The following PLB1 variants were observed in gnomAD, a reference collection of about 807,000 sequenced individuals.
PLB1 encodes the protein phospholipase B1, membrane-associated.
Under a neutral mutation model 227.4 loss-of-function variants are expected in PLB1, and 242 were observed. The observed-to-expected ratio is 1.06, with a 90% CI of 0.96 to 1.18. PLB1 has a LOEUF of 1.18. PLB1 is among the 50% of genes most tolerant of loss of function. The probability of loss-of-function intolerance (pLI) is 0.00; values close to 1 mark genes in which losing one functional copy is unlikely to be tolerated. For synonymous variants in PLB1, 757 were observed against 682.2 expected (o/e 1.11, Z -1.71); for missense variants, 1,858 against 1,816.3 (o/e 1.02, Z -0.42).
chr2:28,538,483 G>T (rs1481774571), intron 10 of PLB1, 102 bp downstream of exon 10: 6 of 1,062,988 alleles, frequency 5.6e-6, no homozygotes, highest in Non-Finnish European at 8.2e-6. Flanking sequence ...AGGGAGACTG[G>T]GACCCTCGGG....
At chr2:28,504,139 C>T (rs1416763094) in intron 1 of PLB1, among the ~76,000 whole-genome samples, 4 of 152,168 alleles carry the variant, frequency 2.6e-5, no homozygotes, top group African/African-American at 9.7e-5. Context: ...TCTGCCTTTT[C>T]CTTCTGGAAT....
At chr2:28,576,382 T>C (rs1242864338) in intron 21 of PLB1, among the ~76,000 whole-genome samples, 3 of 152,288 alleles carry the variant, frequency 2.0e-5, no homozygotes, top group Admixed American at 1.3e-4. Flanking sequence ...GTCTGCACAA[T>C]AACCATGAGA....
At chr2:28,501,247 C>G (rs903907257) in intron 1 of PLB1, among the ~76,000 whole-genome samples, 5 of 152,280 alleles carry the variant, frequency 3.3e-5, no homozygotes, top group Admixed American at 3.3e-4. Flanking sequence ...ACAGACACAT[C>G]AATGAATTTA....
At chr2:28,538,210 C>T in intron 9 of PLB1, 109 bp from the exon 10 acceptor site, 2 of 1,337,196 alleles carry the variant, frequency 1.5e-6, no homozygotes, top group East Asian at 2.4e-5. Context: ...TAGATGGTGC[C>T]TTTGCCTGTG....
intron 20 of PLB1, among the ~76,000 whole-genome samples, chr2:28,567,527 AG>A (rs1558781477): frequency 4.0e-5 from 5 of 124,194 alleles, no homozygotes; most frequent in Non-Finnish European, 8.1e-5. Context: ...GCTGGAGTGC[AG>A]AGTGGCGCCA....
chr2:28,579,560 C>T (rs1679565112), intron 22 of PLB1, 67 bp from the exon 23 acceptor site: 1 of 1,284,212 alleles, frequency 7.8e-7, no homozygotes, highest in African/African-American at 1.5e-5. Flanking sequence ...AGTTTGCAAG[C>T]ATTTTGTGTT....
At chr2:28,544,309 A>G (rs1284288227) in intron 14 of PLB1, among the ~76,000 whole-genome samples, 1 of 152,240 alleles carries the variant, frequency 6.6e-6, no homozygotes, top group African/African-American at 2.4e-5. Context: ...CTGATCTCCC[A>G]TGATGGGCAG....
intron 37 of PLB1, 156 bp from the exon 38 acceptor site, chr2:28,601,742 TG>T (rs1229659362): frequency 7.2e-6 from 5 of 691,256 alleles, no homozygotes; most frequent in Non-Finnish European, 1.0e-5. Flanking sequence ...AGTAGTCAAC[TG>T]TTCATCTCAG....
intron 43 of PLB1, among the ~76,000 whole-genome samples, chr2:28,611,866 C>T (rs1238394220): frequency 2.0e-5 from 3 of 152,082 alleles, no homozygotes; most frequent in Admixed American, 6.5e-5. Flanking sequence ...AGGGGCTGGG[C>T]GCAGTGGCTC....
chr2:28,598,209 A>T (rs1454275546), intron 34 of PLB1, among the ~76,000 whole-genome samples, 161 bp downstream of exon 34: 1 of 152,214 alleles, frequency 6.6e-6, no homozygotes, highest in African/African-American at 2.4e-5. Context: ...GAGGCAGGTA[A>T]AATAAACACC....
chr2:28,624,548 G>A (rs892783781), intron 49 of PLB1, among the ~76,000 whole-genome samples: 3 of 152,028 alleles, frequency 2.0e-5, no homozygotes, highest in Non-Finnish European at 4.4e-5. Flanking sequence ...AAAAAAGTGA[G>A]GAGATGGGGA....
At chr2:28,639,950 G>A (rs1573620269) in intron 56 of PLB1, among the ~76,000 whole-genome samples, 1 of 152,160 alleles carries the variant, frequency 6.6e-6, no homozygotes, top group East Asian at 1.9e-4. Flanking sequence ...GCAGAGCCTG[G>A]ATCCCAGCCA....
chr2:28,552,557 C>CT (rs1255033087), intron 16 of PLB1, among the ~76,000 whole-genome samples: 1 of 152,200 alleles, frequency 6.6e-6, no homozygotes. Context: ...TCATTGAGAA[C>CT]TTGGGCAGAG....
At chr2:28,579,244 C>G (rs1357289288) in intron 22 of PLB1, among the ~76,000 whole-genome samples, 1 of 152,212 alleles carries the variant, frequency 6.6e-6, no homozygotes, top group Non-Finnish European at 1.5e-5. Context: ...TTCAGGATTT[C>G]TAGAAGATTC....
chr2:28,569,965 C>G (rs1347706088), intron 20 of PLB1, among the ~76,000 whole-genome samples: 1 of 62,810 alleles, frequency 1.6e-5, no homozygotes, highest in Non-Finnish European at 5.1e-5. Flanking sequence ...GACTCCATCT[C>G]AAAAAAAAAA....
At chr2:28,617,636 C>T in intron 44 of PLB1, 91 bp from the exon 45 acceptor site, 1 of 1,290,018 alleles carries the variant, frequency 7.8e-7, no homozygotes, top group Non-Finnish European at 1.1e-6. Flanking sequence ...TAGCCTCCAT[C>T]AAAAATCCCT....
chr2:28,597,398 T>C (rs1242514190), intron 33 of PLB1, among the ~76,000 whole-genome samples: 1 of 151,192 alleles, frequency 6.6e-6, no homozygotes, highest in Non-Finnish European at 1.5e-5. Flanking sequence ...ATAGTACTTG[T>C]CTTCTGTGTG....
intron 44 of PLB1, among the ~76,000 whole-genome samples, chr2:28,614,357 G>T (rs1055050969): frequency 7.2e-5 from 11 of 152,148 alleles, no homozygotes; most frequent in African/African-American, 2.7e-4. Flanking sequence ...GGCAATCCTG[G>T]GCTCACAGAC....
intron 9 of PLB1, among the ~76,000 whole-genome samples, chr2:28,538,116 G>C (rs1671951867): frequency 6.6e-6 from 1 of 152,154 alleles, no homozygotes. Flanking sequence ...GTGGATGATG[G>C]GTTGGGGAGA....
Sources: allele counts gnomAD v4.1 joint callset (sites outside exome capture counted in the v4.1 genomes callset), GRCh38; gene constraint gnomAD v4.1.1; transcripts MANE v1.5; gene names NCBI Gene and HGNC (gene_info 2026-07-23, HGNC 2026-07-21).